Variants in ERCC1 observed in about 807,000 individuals in gnomAD.
ERCC1 encodes the protein DNA excision repair protein ERCC-1.
In ERCC1, 36 loss-of-function variants were observed where a neutral mutation model predicts 37.6. The observed-to-expected ratio is 0.96, with a 90% CI of 0.73 to 1.26. ERCC1 has a LOEUF of 1.26. Among genes scored for constraint, ERCC1 ranks in the 50% most tolerant of loss-of-function variants. The pLI is 0.00. For synonymous variants in ERCC1, 156 were observed against 162.1 expected, an observed-to-expected ratio of 0.96 and a Z score of 0.28; for missense variants, 349 against 376.5, an observed-to-expected ratio of 0.93 and a Z score of 0.60.
intron 1 of ERCC1, among the ~76,000 whole-genome samples, chr19:45,437,754 G>A (rs1043685990): frequency 3.9e-5 from 6 of 152,204 alleles, no homozygotes; most frequent in African/African-American, 9.7e-5. Context: ...AAGTTTCAGC[G>A]AGACTGGAGA....
At chr19:45,437,025 G>A (rs1974997774) in intron 1 of ERCC1, among the ~76,000 whole-genome samples, 1 of 152,126 alleles carries the variant, frequency 6.6e-6, no homozygotes, top group Admixed American at 6.6e-5. Flanking sequence ...CAAGGTGGGT[G>A]AATCACCTGA....
chr19:45,413,833 G>C (rs1330686554), intron 8 of ERCC1, 88 bp from the exon 9 acceptor site: 53 of 1,596,074 alleles, frequency 3.3e-5, no homozygotes, highest in Non-Finnish European at 3.4e-6. Context: ...ATTCCCCAGG[G>C]GAGATGAGGG....
intron 1 of ERCC1, among the ~76,000 whole-genome samples, chr19:45,445,207 C>A (rs141458771): frequency 6.6e-6 from 1 of 152,140 alleles, no homozygotes; most frequent in Non-Finnish European, 1.5e-5. Flanking sequence ...AGTAGAGACA[C>A]GGTTTCACCA....
intron 1 of ERCC1, among the ~76,000 whole-genome samples, chr19:45,447,195 G>A (rs1025426976): frequency 2.0e-5 from 3 of 151,732 alleles, no homozygotes; most frequent in Non-Finnish European, 2.9e-5. Context: ...ACACAGTCAC[G>A]CATACACACG....
At chr19:45,419,570 G>A in intron 4 of ERCC1, 1 of 315,852 alleles carries the variant, frequency 3.2e-6, no homozygotes, top group South Asian at 3.0e-5. Context: ...CTCTGGCCTT[G>A]GAGGGCTACG....
intron 1 of ERCC1, among the ~76,000 whole-genome samples, chr19:45,451,008 A>G (rs1967104932): frequency 6.7e-6 from 1 of 149,072 alleles, no homozygotes; most frequent in Admixed American, 6.7e-5. Context: ...CACAGGGCGC[A>G]GCCAGGACCG....
chr19:45,426,987 T>C (rs964665409), upstream of ERCC1, among the ~76,000 whole-genome samples: 1 of 136,264 alleles, frequency 7.3e-6, no homozygotes, highest in African/African-American at 2.8e-5. Flanking sequence ...AAAAAAGCTA[T>C]GTGTGTTGGT....
intron 1 of ERCC1, among the ~76,000 whole-genome samples, chr19:45,435,615 G>A (rs1974955218): frequency 6.6e-6 from 1 of 151,982 alleles, no homozygotes; most frequent in South Asian, 2.1e-4. Flanking sequence ...GGTGTGCACC[G>A]CCAGAGCTGG....
chr19:45,413,069 A>C (rs1037189106), intron 9 of ERCC1, among the ~76,000 whole-genome samples: 4 of 152,012 alleles, frequency 2.6e-5, no homozygotes, highest in African/African-American at 9.7e-5. Context: ...ATGTGATCCC[A>C]TTTGTCCATT....
intron 9 of ERCC1, 45 bp downstream of exon 9, chr19:45,413,632 T>G (rs200356709): frequency 3.1e-6 from 5 of 1,614,212 alleles, no homozygotes; most frequent in Non-Finnish European, 4.2e-6. Flanking sequence ...TATTTGGGGC[T>G]CTCTCCTTCC....
chr19:45,423,983 T>C, upstream of ERCC1: 2 of 1,060,960 alleles, frequency 1.9e-6, no homozygotes, highest in Non-Finnish European at 2.3e-6. Flanking sequence ...TACAACTCTC[T>C]ATGGTTCTGG....
rs886039224 is a variant in ERCC1, at chr19:45,414,887, T to A, written c.676A>T (p.Lys226Ter). The part of the protein sequence containing the change: ...EQKPADLLME[K>*]LEQDFVSRVT... ...CGGGAGACGAAGTCCTGCTCTAGCT[T>A]CTCCATCAGGAGGTCCGCTGGTTTC... The change falls in exon 7 of 10, where the codon AAG becomes TAG. Residue 226 changes from lysine to a stop codon, truncating the protein, a stop_gained. Coordinates refer to ENST00000300853, the MANE Select transcript of ERCC1 (RefSeq NM_001983.4). LOFTEE classifies it high-confidence loss of function. 3 of 1,613,642 alleles carry A rather than the reference T, an allele frequency of 1.9e-6. No individual in the cohort carries two copies. The highest frequency in any genetic ancestry group is 2.5e-6 in the Non-Finnish European group (3 of 1,179,680).
chr19:45,428,596 C>G, upstream of ERCC1, among the ~76,000 whole-genome samples: 2 of 152,346 alleles, frequency 1.3e-5, no homozygotes, highest in Admixed American at 1.3e-4. Context: ...CCCAAACCTT[C>G]CCCTCCTCTC....
intron 1 of ERCC1, among the ~76,000 whole-genome samples, chr19:45,433,677 G>A (rs2123578851): frequency 6.8e-6 from 1 of 146,234 alleles, no homozygotes; most frequent in South Asian, 2.2e-4. Context: ...GACAGAGCAA[G>A]ACTCTGTCTT....
At chr19:45,451,360 C>T (rs1270948364) in intron 1 of ERCC1, among the ~76,000 whole-genome samples, 1 of 151,984 alleles carries the variant, frequency 6.6e-6, no homozygotes, top group Non-Finnish European at 1.5e-5. Context: ...TGCATTGTTG[C>T]GGTTGGGGTC....
At chr19:45,427,207 C>CT (rs1185852866), upstream of ERCC1, among the ~76,000 whole-genome samples, 2 of 152,080 alleles carry the variant, frequency 1.3e-5, no homozygotes, top group African/African-American at 2.4e-5. Flanking sequence ...ATCCTAGGTT[C>CT]TTAGTATTGT....
intron 1 of ERCC1, among the ~76,000 whole-genome samples, chr19:45,443,467 C>T (rs976491169): frequency 9.2e-5 from 14 of 152,210 alleles, no homozygotes; most frequent in Non-Finnish European, 2.9e-5. Context: ...GATCCCAGAT[C>T]GCCAGTGAGT....
intron 1 of ERCC1, among the ~76,000 whole-genome samples, chr19:45,434,011 T>C (rs1974902821): frequency 6.6e-6 from 1 of 151,512 alleles, no homozygotes; most frequent in African/African-American, 2.4e-5. Flanking sequence ...CATGGTGGCA[T>C]GCGCCTGTAG....
At chr19:45,435,466 G>T (rs1163773639) in intron 1 of ERCC1, among the ~76,000 whole-genome samples, 1 of 152,136 alleles carries the variant, frequency 6.6e-6, no homozygotes, top group African/African-American at 2.4e-5. Context: ...AAACATTCTG[G>T]CCTTTTTGTT....
Sources: allele counts gnomAD v4.1 joint callset (sites outside exome capture counted in the v4.1 genomes callset), GRCh38; gene constraint gnomAD v4.1.1; transcripts MANE v1.5; gene names NCBI Gene and HGNC (gene_info 2026-07-23, HGNC 2026-07-21).